AKR1C1: variants seen among roughly 807,000 people sequenced by gnomAD.
AKR1C1 encodes 20 alpha-hydroxysteroid dehydrogenase.
In AKR1C1, 32 loss-of-function variants were observed where a neutral mutation model predicts 40.6. The ratio of observed to expected loss-of-function variants is 0.79; its 90% confidence interval spans 0.60 to 1.06. The LOEUF (loss-of-function observed/expected upper bound fraction) is 1.06, where lower values mean the gene tolerates loss of function less well. Ranked by LOEUF, AKR1C1 falls within the 50% of genes least tolerant of loss-of-function variation. The pLI, the probability that AKR1C1 is intolerant of heterozygous loss-of-function variation, is 0.00. For synonymous variants in AKR1C1, 105 were observed against 134.2 expected, an observed-to-expected ratio of 0.78 and a Z score of 1.50; for missense variants, 320 against 363.5, an observed-to-expected ratio of 0.88 and a Z score of 0.97.
rs763837541 is a variant in AKR1C1 at position 4,968,342 on chromosome 10, G to A, written c.403G>A (p.Gly135Arg). ...GGAAGTGATCCCAAAAGATGAAAAT[G>A]GAAAAATACTATTTGACACAGTGGA... ...GEEVIPKDEN[G>R]KILFDTVDLC... is the part of the protein sequence containing the mutation. The change falls in exon 4 of 9, where the codon GGA becomes AGA. Residue 135 changes from glycine (G) to arginine (R), a missense_variant. Transcript: ENST00000380872. 4 of 1,572,602 alleles carry A rather than the reference G, an allele frequency of 2.5e-6. No homozygotes were observed. The highest frequency in any genetic ancestry group is 3.5e-6 in the Non-Finnish European group (4 of 1,154,678).
chr10:4,964,793 C>T (rs949687827), intron 1 of AKR1C1, among the ~76,000 whole-genome samples: 4 of 152,164 alleles, frequency 2.6e-5, no homozygotes, highest in African/African-American at 9.7e-5. Context: ...CATTTTTACA[C>T]CTACTATTTA....
intron 5 of AKR1C1, among the ~76,000 whole-genome samples, chr10:4,971,888 C>T (rs541384696): frequency 4.0e-5 from 6 of 151,304 alleles, no homozygotes; most frequent in African/African-American, 1.5e-4. Flanking sequence ...ATTTCTGGCA[C>T]GATTTGATGC....
rs1836555085 is a variant in AKR1C1, at chr10:4,978,101, T to C, written c.*359T>C. 1 of 243,270 alleles carries C rather than the reference T, an allele frequency of 4.1e-6. No homozygotes were observed. Among genetic ancestry groups the C allele is most frequent in the African/African-American group, 2.4e-5 (1 of 41,664 alleles). The allele number at this position is 243,270 out of a possible 1,614,324, so 15.1% of individuals were successfully genotyped here. A position where few individuals can be genotyped will look rare whatever the true frequency, so the allele number is the denominator to read the frequency against. On this transcript the variant is annotated 3_prime_UTR_variant, in exon 9 of 9. Coordinates refer to ENST00000380872, the MANE Select transcript of AKR1C1 (RefSeq NM_001353.6). ...TTAAGATTCATTTCTGCAGTGGGAG[T>C]GGGTGGAGTTTCACCCTCTGGGAAA...
At chr10:4,968,432 A>G in intron 4 of AKR1C1, 46 bp downstream of exon 4, 1 of 1,288,742 alleles carries the variant, frequency 7.8e-7, no homozygotes, top group Non-Finnish European at 1.1e-6. Flanking sequence ...ATGAGGTAGG[A>G]TACATCTGTT....
At chr10:4,968,682 C>G (rs1239286796) in intron 4 of AKR1C1, 140 bp from the exon 5 acceptor site, 3 of 1,406,998 alleles carry the variant, frequency 2.1e-6, no homozygotes, top group Admixed American at 2.3e-5. Context: ...CTATCTTCTT[C>G]CCCAATTTTC....
At chr10:4,973,867 T>C (rs1269718787) in intron 7 of AKR1C1, among the ~76,000 whole-genome samples, 1 of 150,332 alleles carries the variant, frequency 6.7e-6, no homozygotes, top group East Asian at 2.0e-4. Flanking sequence ...ATATCCAGAA[T>C]ACATGCATAT....
Position 4,977,971 on chromosome 10 carries a change from G to A in AKR1C1, c.*229G>A. 1 of 584,832 alleles carries A rather than the reference G, an allele frequency of 1.7e-6. No individual in the cohort carries two copies. The highest frequency in any genetic ancestry group is 2.9e-6 in the Non-Finnish European group (1 of 340,376). 36.2% of individuals were successfully genotyped at this position (584,832 alleles called of 1,614,324 possible). A position where few individuals can be genotyped will look rare whatever the true frequency, so the allele number is the denominator to read the frequency against. On this transcript the variant is annotated 3_prime_UTR_variant, in exon 9 of 9. Coordinates refer to ENST00000380872, the MANE Select transcript of AKR1C1 (RefSeq NM_001353.6). ...CTCCTAAAGATTCTTCACCTACTTTGGTCTCCATAACTTCTATGTTTTCTT... is the reference window on the plus strand; with the variant it reads ...CTCCTAAAGATTCTTCACCTACTTTAGTCTCCATAACTTCTATGTTTTCTT...
intron 5 of AKR1C1, chr10:4,969,703 G>A (rs908292253): frequency 1.2e-6 from 2 of 1,612,004 alleles, no homozygotes; most frequent in Admixed American, 1.7e-5. Flanking sequence ...TTTTCCTTGA[G>A]TCCTGACTGG....
chr10:4,973,495 C>T (rs1836472774), intron 7 of AKR1C1, among the ~76,000 whole-genome samples: 1 of 152,192 alleles, frequency 6.6e-6, no homozygotes, highest in Non-Finnish European at 1.5e-5. Flanking sequence ...TTCACCTCAG[C>T]ACAGGGCATG....
chr10:4,970,900 T>G (rs1836415429), intron 5 of AKR1C1, among the ~76,000 whole-genome samples: 1 of 151,814 alleles, frequency 6.6e-6, no homozygotes, highest in Non-Finnish European at 1.5e-5. Flanking sequence ...ACATGGCACA[T>G]GTATACATAT....
rs1836567691 is a variant in AKR1C1 at position 4,978,742 on chromosome 10, T to C, written c.*1000T>C. 6.6e-6 allele frequency: 1 copy of C among 152,202 alleles called. No individual in the cohort carries two copies. Among genetic ancestry groups the C allele is most frequent in the Non-Finnish European group, 1.5e-5 (1 of 68,030 alleles). 9.4% of individuals were successfully genotyped at this position (152,202 alleles called of 1,614,324 possible). On this transcript the variant is annotated 3_prime_UTR_variant, in exon 9 of 9. Coordinates refer to ENST00000380872, the MANE Select transcript of AKR1C1 (RefSeq NM_001353.6). Reference sequence around the variant, plus strand: ...TTATGCATGGCACTCAAGATTAAAATGGGAAATAATACATCTAATAAATCA... The same window carrying C: ...TTATGCATGGCACTCAAGATTAAAACGGGAAATAATACATCTAATAAATCA...
rs1436011225 is a variant in AKR1C1 at position 4,982,906 on chromosome 10, C to T, written c.*5164C>T. On this transcript the variant is annotated 3_prime_UTR_variant, in exon 9 of 9. Coordinates refer to ENST00000380872, the MANE Select transcript of AKR1C1 (RefSeq NM_001353.6). Reference sequence around the variant, plus strand: ...CCCTGACCAGTCAGAGGTCTTGAGTCGGTCCGCATGACAAGTTCACCGCTC... The same window carrying T: ...CCCTGACCAGTCAGAGGTCTTGAGTTGGTCCGCATGACAAGTTCACCGCTC... 3 of 444,966 alleles carry T rather than the reference C, an allele frequency of 6.7e-6. No individual in the cohort carries two copies. The highest frequency in any genetic ancestry group is 9.0e-6 in the Non-Finnish European group (2 of 221,768). The allele number at this position is 444,966 out of a possible 1,614,324, so 27.6% of individuals were successfully genotyped here. A position where few individuals can be genotyped will look rare whatever the true frequency, so the allele number is the denominator to read the frequency against.
At chr10:4,966,880 T>G (rs376036698) in intron 2 of AKR1C1, 47 bp from the exon 3 acceptor site, 9 of 1,551,292 alleles carry the variant, frequency 5.8e-6, no homozygotes, top group East Asian at 4.5e-5. Flanking sequence ...ACTAGTAAAA[T>G]TGGCTCAAGT....
intron 4 of AKR1C1, 80 bp from the exon 5 acceptor site, chr10:4,968,742 A>C (rs1321621559): frequency 1.5e-4 from 234 of 1,599,806 alleles, no homozygotes; most frequent in Non-Finnish European, 5.9e-5. Context: ...TTTTATTGTC[A>C]TATCTAGACA....
In AKR1C1 at chr10:4,972,424, T is replaced by A; in HGVS notation, c.680+114T>A. 2.9e-6 allele frequency: 4 copies of A among 1,382,358 alleles called. No homozygotes were observed. In the South Asian group the frequency reaches 5.5e-5, roughly 19 times the overall value. The allele number at this position is 1,382,358 out of a possible 1,614,324, so 85.6% of individuals were successfully genotyped here. A position where few individuals can be genotyped will look rare whatever the true frequency, so the allele number is the denominator to read the frequency against. The stretch of plus-strand genomic sequence containing the variant: ...AGCTGACTTGGGGTGAGGGAAGAAT[T>A]TGCATTTCTGACGAGATCCCAGGTG... On this transcript the variant is annotated intron_variant, in intron 6 of 8. Transcript: ENST00000380872.
intron 5 of AKR1C1, among the ~76,000 whole-genome samples, chr10:4,971,063 C>CA (rs1397997411): frequency 6.6e-6 from 1 of 151,902 alleles, no homozygotes; most frequent in Non-Finnish European, 1.5e-5. Flanking sequence ...GGATAATTCT[C>CA]AACAGAAGAA....
chr10:4,964,384 T>C (rs1439014946), intron 1 of AKR1C1, among the ~76,000 whole-genome samples: 2 of 152,166 alleles, frequency 1.3e-5, no homozygotes, highest in African/African-American at 4.8e-5. Context: ...CTTTGTAATA[T>C]AAATTGACAT....
chr10:4,966,803 A>G (rs112337165), intron 2 of AKR1C1, 124 bp from the exon 3 acceptor site: 2 of 735,034 alleles, frequency 2.7e-6, no homozygotes, highest in African/African-American at 1.8e-5. Flanking sequence ...AAGAAGAGAG[A>G]GAATAATTTT....
chr10:4,977,616 G>A lies in AKR1C1; in HGVS notation c.930-84G>A, dbSNP rs192975284. ...TGAACTTCTTAACATCTACACTAGC[G>A]GCAGCTTCCTAGAAATCACTGCACT... On this transcript the variant is annotated intron_variant, in intron 8 of 8. Transcript: ENST00000380872. The A allele has an allele frequency of 1.1e-3, 1,771 of 1,549,856 alleles. 4 individuals carry two copies. The highest frequency in any genetic ancestry group is 1.4e-3 in the Non-Finnish European group (1,602 of 1,133,560).
Sources: gnomAD v4.1 joint callset for allele counts (sites outside exome capture counted in the v4.1 genomes callset) on GRCh38, gnomAD v4.1.1 for gene constraint, MANE v1.5 for transcripts, NCBI Gene and HGNC (gene_info 2026-07-23, HGNC 2026-07-21) for gene names.